CEP95: variants seen among roughly 807,000 people sequenced by gnomAD.
CEP95 encodes centrosomal protein 95.
In CEP95, 98 loss-of-function variants were observed where a neutral mutation model predicts 111.2. The ratio of observed to expected loss-of-function variants is 0.88; its 90% CI spans 0.75 to 1.04. CEP95 has a LOEUF of 1.04. CEP95 is among the 50% of genes least tolerant of loss of function. The pLI is 0.00. For missense variants in CEP95, 1,027 were observed against 977.2 expected (o/e 1.05, Z -0.68); for synonymous variants, 323 against 327.1 (o/e 0.99, Z 0.14).
rs782249365 is a variant in CEP95 at position 64,510,304 on chromosome 17, A to G, written c.256+24A>G. 6.2e-6 allele frequency: 8 copies of G among 1,285,216 alleles called. No homozygotes were observed. The South Asian group carries it at 7.4e-5, about 12-fold the overall frequency. 79.6% of individuals were successfully genotyped at this position (1,285,216 alleles called of 1,614,324 possible). The stretch of plus-strand genomic sequence containing the variant: ...AGGTTGGTATATGTATAACTATCAC[A>G]TAATTATGCATTTTAGTAAAAATAA... On this transcript the variant is annotated intron_variant, in intron 3 of 19. Coordinates refer to ENST00000556440, the MANE Select transcript of CEP95 (RefSeq NM_138363.3).
rs771309207 is a variant in CEP95, at chr17:64,534,838, A to G, written c.2070+101A>G. ...TGACTCTTGTCCAAATTTGAATCCA[A>G]AATCTAAACTGAAGTCCTATAGTGC... On this transcript the variant is annotated intron_variant, in intron 17 of 19. Transcript: ENST00000556440. The G allele has an allele frequency of 2.2e-5, 30 of 1,395,184 alleles. No homozygotes were observed. The African/African-American group carries it at 2.7e-4, about 13-fold the overall frequency. 86.4% of individuals were successfully genotyped at this position (1,395,184 alleles called of 1,614,324 possible).
At chr17:64,509,331 C>T (rs1377246041) in intron 2 of CEP95, among the ~76,000 whole-genome samples, 1 of 152,232 alleles carries the variant, frequency 6.6e-6, no homozygotes, top group African/African-American at 2.4e-5. Context: ...CACGTCCAGC[C>T]TGTGCTGACC....
intron 2 of CEP95, among the ~76,000 whole-genome samples, 196 bp downstream of exon 2, chr17:64,508,916 CAT>C: frequency 6.6e-6 from 1 of 151,328 alleles, no homozygotes; most frequent in South Asian, 2.1e-4. Context: ...TTTAATATCA[CAT>C]ATTGTATAAT....
At chr17:64,517,849 TA>T (rs1251323650) in intron 5 of CEP95, among the ~76,000 whole-genome samples, 1 of 152,032 alleles carries the variant, frequency 6.6e-6, no homozygotes, top group African/African-American at 2.4e-5. Flanking sequence ...CCTGCATTTT[TA>T]AACTTAACAT....
chr17:64,528,100 CT>C (rs1968001849), intron 11 of CEP95, among the ~76,000 whole-genome samples: 1 of 152,046 alleles, frequency 6.6e-6, no homozygotes. Flanking sequence ...GATTGCACTG[CT>C]TTATACTCGT....
intron 1 of CEP95, chr17:64,507,995 T>G (rs1444299932): frequency 1.6e-5 from 16 of 985,274 alleles, no homozygotes; most frequent in Non-Finnish European, 1.9e-5. Flanking sequence ...CTTCATGTAC[T>G]TCCCATATTT....
upstream of CEP95, chr17:64,506,963 T>C (rs2144299986): frequency 2.1e-6 from 2 of 960,024 alleles, no homozygotes; most frequent in East Asian, 2.6e-5. Context: ...ACGTCCGTCC[T>C]TCTTTCACGC....
chr17:64,522,717 T>G lies in CEP95; in HGVS notation c.731T>G (p.Val244Gly). 6.2e-7 allele frequency: 1 copy of G among 1,612,716 alleles called. No individual in the cohort carries two copies. The highest frequency in any genetic ancestry group is 8.5e-7 in the Non-Finnish European group (1 of 1,179,330). ...GTCTTACTAGCGGAAACCCTTTCTG[T>G]GAGTGGGATTCCAAATGCTAGGAAG... ...SFVEDTETLS[V>G]SGIPNARKLG... is the part of the protein sequence containing the mutation. The change falls in exon 8 of 20, where the codon GTG becomes GGG. Residue 244 changes from valine to glycine, a missense_variant. Transcript: ENST00000556440.
chr17:64,508,779 C>T (rs552105204), intron 2 of CEP95, 59 bp downstream of exon 2: 3 of 815,724 alleles, frequency 3.7e-6, no homozygotes, highest in Admixed American at 3.2e-5. Context: ...AGTTTTTAGT[C>T]CTTTAGTTAG....
intron 6 of CEP95, 118 bp from the exon 7 acceptor site, chr17:64,521,284 T>C: frequency 1.5e-6 from 1 of 688,218 alleles, no homozygotes; most frequent in Non-Finnish European, 2.4e-6. Flanking sequence ...ACCAACATTA[T>C]TTCGTTCAAC....
At chr17:64,512,865 T>C (rs149318916) in intron 3 of CEP95, among the ~76,000 whole-genome samples, 13 of 152,332 alleles carry the variant, frequency 8.5e-5, no homozygotes, top group African/African-American at 3.1e-4. Flanking sequence ...TTCTGGTATT[T>C]GTGCTTGTTA....
At chr17:64,513,533 G>T (rs2038993374) in intron 3 of CEP95, among the ~76,000 whole-genome samples, 1 of 152,202 alleles carries the variant, frequency 6.6e-6, no homozygotes, top group Non-Finnish European at 1.5e-5. Flanking sequence ...ATCTATGAGT[G>T]TAAGTTATGA....
At chr17:64,536,516 A>C in intron 17 of CEP95, 86 bp from the exon 18 acceptor site, 1 of 953,998 alleles carries the variant, frequency 1.0e-6, no homozygotes, top group Non-Finnish European at 1.5e-6. Context: ...AAAAAAAAAA[A>C]CCTTGGGAAA....
At chr17:64,529,260 A>G (rs782813432) in intron 11 of CEP95, 28 bp from the exon 12 acceptor site, 2 of 1,592,542 alleles carry the variant, frequency 1.3e-6, no homozygotes, top group Non-Finnish European at 1.7e-6. Flanking sequence ...ATCAGGAACT[A>G]ATGTTATATG....
intron 3 of CEP95, among the ~76,000 whole-genome samples, chr17:64,512,276 G>A (rs1459621986): frequency 1.3e-5 from 2 of 152,200 alleles, no homozygotes; most frequent in East Asian, 1.9e-4. Context: ...CAAGAAACTC[G>A]TAATACTGAT....
intron 2 of CEP95, among the ~76,000 whole-genome samples, chr17:64,509,960 T>C (rs573407163): frequency 1.3e-5 from 2 of 152,288 alleles, no homozygotes; most frequent in African/African-American, 4.8e-5. Context: ...CAGTCTAATA[T>C]TGATAAATCG....
chr17:64,536,702 G>A lies in CEP95; in HGVS notation c.2171G>A (p.Arg724His), dbSNP rs538315010. Residue 724 changes from arginine to histidine, a missense_variant, in exon 18 of 20, where the codon CGC (arginine) becomes CAC (histidine). Coordinates refer to ENST00000556440, the MANE Select transcript of CEP95 (RefSeq NM_138363.3). ...AKEKRDEQRR[R>H]HQDELDSMEN... ...GAAAAGCGAGATGAACAAAGGAGAC[G>A]CCACCAGGATGAACTGGACTCCATG... is the stretch of plus-strand genomic sequence containing the variant. 1.6e-5 allele frequency: 25 copies of A among 1,612,748 alleles called. No individual in the cohort carries two copies. The highest frequency in any genetic ancestry group is 8.8e-5 in the South Asian group (8 of 90,758).
Position 64,532,982 on chromosome 17 carries a change from C to G in CEP95, c.1816C>G (p.Arg606Gly), listed in dbSNP as rs782817185. The G allele has an allele frequency of 3.7e-6, 6 of 1,611,608 alleles. No individual in the cohort carries two copies. The highest frequency in any genetic ancestry group is 3.4e-5 in the Admixed American group (2 of 59,402). The change falls in exon 15 of 20, where the codon CGA becomes GGA. Residue 606 changes from arginine (R) to glycine (G), a missense_variant. Transcript: ENST00000556440. ...QLKKEACREN[R>G]SKKKLQDEIE... ...TAAGAAAGAAGCATGTAGAGAAAAT[C>G]GATCAAAGAAGAAACTCCAAGATGA... is the stretch of plus-strand genomic sequence containing the variant.
At chr17:64,528,651 C>T (rs146380687) in intron 11 of CEP95, among the ~76,000 whole-genome samples, 4 of 152,230 alleles carry the variant, frequency 2.6e-5, no homozygotes, top group African/African-American at 7.2e-5. Context: ...TATAAAGGTA[C>T]CAAACTAGCT....
Sources: allele counts gnomAD v4.1 joint callset (sites outside exome capture counted in the v4.1 genomes callset), GRCh38; gene constraint gnomAD v4.1.1; transcripts MANE v1.5; gene names NCBI Gene and HGNC (gene_info 2026-07-23, HGNC 2026-07-21).